Variants in DAPK2 observed in about 807,000 individuals in gnomAD.
DAPK2 encodes death-associated protein kinase 2.
A neutral mutation model predicts 44.1 loss-of-function variants in DAPK2; 35 were observed. The ratio of observed to expected loss-of-function variants is 0.79; its 90% CI spans 0.61 to 1.05. The LOEUF is 1.05. DAPK2 is among the 50% of genes least tolerant of loss of function. The probability of loss-of-function intolerance (pLI) is 0.00; values close to 1 mark genes in which losing one functional copy is unlikely to be tolerated. For synonymous variants in DAPK2, 174 were observed against 182.6 expected (o/e 0.95, Z 0.38); for missense variants, 453 against 483.2 (o/e 0.94, Z 0.59).
At position 64,033,001 on chromosome 15, in the gene DAPK2, G is replaced by T. The variant is rs573480122; in HGVS notation, c.92+7169C>A. 1.4e-3 allele frequency among the ~76,000 whole-genome samples: 213 copies of T among 152,234 alleles called. 1 individual carries two copies. The highest frequency in any genetic ancestry group is 4.7e-3 in the African/African-American group (194 of 41,532). On this transcript the variant is annotated intron_variant, in intron 1 of 10. Coordinates refer to ENST00000261891, the Ensembl canonical transcript of DAPK2. ...CTTGGGAGGCTGAGGCACGAGAATTGCTTGAACCCAGGAGGTGGAGGTTGC... is the reference window on the plus strand; with the variant it reads ...CTTGGGAGGCTGAGGCACGAGAATTTCTTGAACCCAGGAGGTGGAGGTTGC...
chr15:63,938,159 T>C (rs76876624), intron 4 of DAPK2, among the ~76,000 whole-genome samples: 4,722 of 152,308 alleles, frequency 0.031, 107 homozygotes, highest in South Asian at 0.095. Context: ...TTGTAAGCTC[T>C]TTGAGGGCAG....
chr15:63,924,212 C>T (rs1025452144), intron 8 of DAPK2, among the ~76,000 whole-genome samples: 8 of 152,178 alleles, frequency 5.3e-5, no homozygotes, highest in Admixed American at 2.0e-4. Flanking sequence ...GACTGGAAAG[C>T]CAGCAGGAAG....
intron 2 of DAPK2, among the ~76,000 whole-genome samples, chr15:63,978,628 T>G (rs11857140): frequency 0.016 from 2,389 of 152,182 alleles, 64 homozygotes; most frequent in African/African-American, 0.055. Flanking sequence ...GCTGGGACAT[T>G]CACATTAATG....
chr15:63,932,245 C>G (rs1278013518), intron 4 of DAPK2, among the ~76,000 whole-genome samples: 5 of 150,622 alleles, frequency 3.3e-5, no homozygotes, highest in Non-Finnish European at 7.4e-5. Context: ...GTGGGCAGAT[C>G]ACCTGAGGTT....
chr15:64,021,263 C>G (rs188009530), intron 1 of DAPK2, among the ~76,000 whole-genome samples: 1 of 152,142 alleles, frequency 6.6e-6, no homozygotes, highest in Non-Finnish European at 1.5e-5. Flanking sequence ...GATGATACTG[C>G]GATGTGGGAC....
chr15:63,948,006 G>A (rs1239693926), intron 3 of DAPK2, among the ~76,000 whole-genome samples: 1 of 152,084 alleles, frequency 6.6e-6, no homozygotes, highest in Non-Finnish European at 1.5e-5. Flanking sequence ...AGTGGCTCAC[G>A]CCTATAATCC....
chr15:63,987,326 G>GC (rs1271044130), intron 1 of DAPK2, among the ~76,000 whole-genome samples: 1 of 152,176 alleles, frequency 6.6e-6, no homozygotes, highest in Non-Finnish European at 1.5e-5. Context: ...CGCCAGCTAG[G>GC]CTACAGGGAT....
intron 3 of DAPK2, among the ~76,000 whole-genome samples, chr15:63,948,448 A>G (rs2077507374): frequency 6.6e-6 from 1 of 151,974 alleles, no homozygotes; most frequent in African/African-American, 2.4e-5. Context: ...AGAAGGAGAG[A>G]GAGGGGAGGT....
chr15:63,977,212 G>C (rs1222398661), intron 2 of DAPK2, among the ~76,000 whole-genome samples: 1 of 152,220 alleles, frequency 6.6e-6, no homozygotes, highest in East Asian at 1.9e-4. Context: ...GCTCAGGGTT[G>C]AGTAGGGTGT....
intron 4 of DAPK2, chr15:63,932,547 ATTTATTTT>A (rs2076999796): frequency 8.8e-6 from 1 of 113,170 alleles, no homozygotes. Context: ...TTATTTATTT[ATTTATTTT>A]TTTTAGATGA....
At chr15:63,911,636 C>G in intron 10 of DAPK2, 1 of 491,406 alleles carries the variant, frequency 2.0e-6, no homozygotes, top group Non-Finnish European at 3.6e-6. Context: ...AGCAGCGGCC[C>G]CTCTGAAGGC....
intron 1 of DAPK2, among the ~76,000 whole-genome samples, chr15:63,996,270 C>A (rs2078947092): frequency 6.6e-6 from 1 of 152,134 alleles, no homozygotes; most frequent in Admixed American, 6.5e-5. Flanking sequence ...CCCATCTCTA[C>A]CCTGCCCCCC....
chr15:63,931,332 C>T (rs539075817), intron 4 of DAPK2, among the ~76,000 whole-genome samples: 40 of 152,296 alleles, frequency 2.6e-4, no homozygotes, highest in African/African-American at 8.9e-4. Flanking sequence ...CTGGTAGAAA[C>T]CTTTTACAAA....
At chr15:63,997,009 T>A (rs1359705685) in intron 1 of DAPK2, among the ~76,000 whole-genome samples, 2 of 151,944 alleles carry the variant, frequency 1.3e-5, no homozygotes, top group Non-Finnish European at 2.9e-5. Context: ...AAGGAACAGG[T>A]CCAAGTCCTC....
chr15:63,993,309 G>C (rs2078865367), intron 1 of DAPK2, among the ~76,000 whole-genome samples: 1 of 152,220 alleles, frequency 6.6e-6, no homozygotes, highest in African/African-American at 2.4e-5. Context: ...ATGGGGCAAA[G>C]TGGTAAGATG....
chr15:63,914,442 C>T (rs1177567430), intron 8 of DAPK2, among the ~76,000 whole-genome samples: 1 of 152,146 alleles, frequency 6.6e-6, no homozygotes, highest in Admixed American at 6.5e-5. Context: ...CATGTCCAGC[C>T]CTCTAGATCC....
In DAPK2 at chr15:63,923,786, G is replaced by C. The variant is rs1437059921; in HGVS notation, c.858+1030C>G. On this transcript the variant is annotated intron_variant, in intron 8 of 10. Transcript: ENST00000261891. This position sits in a 1 kb window ranked among gnomAD's most constrained non-coding sequence, Gnocchi z 4.2. ...AGCAGATAAAGCTGACCTCTTCCCAGACGACTCCAGCCCTCCCTGTTCTGT... is the reference window on the plus strand; with the variant it reads ...AGCAGATAAAGCTGACCTCTTCCCACACGACTCCAGCCCTCCCTGTTCTGT... Among the ~76,000 whole-genome samples the C allele has an allele frequency of 6.6e-6, 1 of 152,200 alleles. No homozygotes were observed.
chr15:63,911,912 T>C (rs930363557), exon 10 of DAPK2: 9 of 1,613,178 alleles, frequency 5.6e-6, no homozygotes, highest in South Asian at 1.1e-5. Flanking sequence ...ACCCACCAGG[T>C]CCTCATCCGG....
intron 1 of DAPK2, among the ~76,000 whole-genome samples, chr15:64,005,374 A>G (rs2079197940): frequency 6.6e-6 from 1 of 150,912 alleles, no homozygotes; most frequent in African/African-American, 2.4e-5. Context: ...TTCAGCCACC[A>G]CAGATACTAG....
Sources: gnomAD v4.1 joint callset for allele counts (sites outside exome capture counted in the v4.1 genomes callset) on GRCh38, gnomAD v4.1.1 for gene constraint, Gnocchi (gnomAD v3.1) non-coding constraint, MANE v1.5 for transcripts, NCBI Gene and HGNC (gene_info 2026-07-23, HGNC 2026-07-21) for gene names.